TRAPPC9: variants seen among roughly 807,000 people sequenced by gnomAD.
TRAPPC9 encodes IKK2 binding protein.
Under a neutral mutation model 124.0 loss-of-function variants are expected in TRAPPC9, and 83 were observed. The ratio of observed to expected loss-of-function variants is 0.67; its 90% CI spans 0.56 to 0.80. TRAPPC9 has a LOEUF of 0.80. TRAPPC9 is among the 30% of genes least tolerant of loss of function. TRAPPC9 has a pLI of 0.00. For missense variants in TRAPPC9, 1,302 were observed against 1,508.3 expected (o/e 0.86, Z 2.27); for synonymous variants, 638 against 617.5 (o/e 1.03, Z -0.49).
rs1057412473 is a variant in TRAPPC9, at chr8:139,729,323, T to C, written c.*1738A>G. Among the ~76,000 whole-genome samples, 2 of 152,292 alleles carry C rather than the reference T, an allele frequency of 1.3e-5. No homozygotes were observed. Among genetic ancestry groups the C allele is most frequent in the Non-Finnish European group, 2.9e-5 (2 of 68,054 alleles). On this transcript the variant is annotated 3_prime_UTR_variant, in exon 23 of 23. Coordinates refer to ENST00000438773, the MANE Select transcript of TRAPPC9 (RefSeq NM_001160372.4). ...GTTGTTTCATTCAATGGCGTATTTT[T>C]GGGCTCTGTTGAGGTTGACACACAT...
chr8:139,893,562 A>G (rs1830480680), intron 20 of TRAPPC9, among the ~76,000 whole-genome samples: 1 of 152,250 alleles, frequency 6.6e-6, no homozygotes, highest in South Asian at 2.1e-4. Context: ...TCCTCGGACC[A>G]AAAGTAGCTC....
intron 19 of TRAPPC9, chr8:139,931,796 C>A (rs74578736): frequency 2.9e-5 from 5 of 173,728 alleles, no homozygotes; most frequent in Non-Finnish European, 6.1e-5. Context: ...AAGTGCCATG[C>A]GGTAGAAGAG....
At chr8:140,233,063 G>A (rs920860711) in intron 16 of TRAPPC9, among the ~76,000 whole-genome samples, 22 of 152,168 alleles carry the variant, frequency 1.4e-4, no homozygotes, top group Admixed American at 6.5e-4. Flanking sequence ...ACAGTCAGCC[G>A]AATCAAAGAA....
intron 17 of TRAPPC9, among the ~76,000 whole-genome samples, chr8:140,066,039 TA>T (rs2129703919): frequency 6.6e-6 from 1 of 152,294 alleles, no homozygotes; most frequent in Admixed American, 6.5e-5. Context: ...TAGATGCCAG[TA>T]AGAACATTCA....
At chr8:140,205,208 T>C (rs2062892643) in intron 17 of TRAPPC9, among the ~76,000 whole-genome samples, 1 of 152,218 alleles carries the variant, frequency 6.6e-6, no homozygotes, top group African/African-American at 2.4e-5. Flanking sequence ...AAATAAGATA[T>C]CACTGGTATT....
chr8:139,758,426 C>T (rs1439802605), intron 21 of TRAPPC9, among the ~76,000 whole-genome samples: 1 of 152,212 alleles, frequency 6.6e-6, no homozygotes, highest in African/African-American at 2.4e-5. Flanking sequence ...CTGTCAACAT[C>T]CTAGCTCTCA....
At chr8:140,351,605 CTAAAAA>C (rs1276628504) in intron 9 of TRAPPC9, among the ~76,000 whole-genome samples, 2 of 151,962 alleles carry the variant, frequency 1.3e-5, no homozygotes, top group Admixed American at 6.6e-5. Flanking sequence ...CTCATCTCTG[CTAAAAA>C]TAAAAATAAA....
chr8:140,143,242 C>A (rs1267640828), intron 17 of TRAPPC9, among the ~76,000 whole-genome samples: 11 of 152,282 alleles, frequency 7.2e-5, no homozygotes, highest in Non-Finnish European at 1.5e-5. Flanking sequence ...CACAGCTGGG[C>A]AGAAGTCTGG....
chr8:140,332,012 A>G (rs917647488), intron 9 of TRAPPC9, among the ~76,000 whole-genome samples: 2 of 152,206 alleles, frequency 1.3e-5, no homozygotes, highest in Non-Finnish European at 2.9e-5. Context: ...TCAAAGAGAT[A>G]CCTGCACTCC....
In TRAPPC9 at chr8:140,200,836, G is replaced by A. The variant is rs747156207; in HGVS notation, c.2556+20623C>T. Among the ~76,000 whole-genome samples the A allele has an allele frequency of 3.3e-5, 5 of 152,140 alleles. No homozygotes were observed. In the East Asian group the frequency reaches 5.8e-4, roughly 18 times the overall value. ...GTTTAACTCACAGTGACGCACCCAC[G>A]TTGGTTTCTTATTGTGTGGCAAATG... On this transcript the variant is annotated intron_variant, in intron 17 of 22. Transcript: ENST00000438773.
intron 20 of TRAPPC9, among the ~76,000 whole-genome samples, chr8:139,903,448 T>G (rs12548023): frequency 0.43 from 64,654 of 151,994 alleles, 14,209 homozygotes; most frequent in African/African-American, 0.55. Flanking sequence ...AGCTGGATTC[T>G]GATACCTCAG....
intron 17 of TRAPPC9, among the ~76,000 whole-genome samples, chr8:140,062,257 T>C (rs563157626): frequency 2.0e-5 from 3 of 152,228 alleles, no homozygotes; most frequent in Admixed American, 2.0e-4. Flanking sequence ...TGCCTGTCAT[T>C]CCCCTCCTCC....
intron 16 of TRAPPC9, among the ~76,000 whole-genome samples, chr8:140,222,762 C>G (rs1331968250): frequency 6.6e-6 from 1 of 152,236 alleles, no homozygotes; most frequent in Non-Finnish European, 1.5e-5. Context: ...AGCTCCCTAA[C>G]AGAACCCAGC....
intron 20 of TRAPPC9, among the ~76,000 whole-genome samples, chr8:139,900,655 C>T (rs1405939604): frequency 6.6e-6 from 1 of 152,182 alleles, no homozygotes; most frequent in East Asian, 1.9e-4. Flanking sequence ...GTGTTCACTT[C>T]CAAATCTTTG....
chr8:139,887,612 T>A (rs1774940307), intron 20 of TRAPPC9, among the ~76,000 whole-genome samples: 1 of 152,296 alleles, frequency 6.6e-6, no homozygotes, highest in Admixed American at 6.5e-5. Context: ...ACACTCTGCG[T>A]GTTCTGCCTG....
chr8:140,351,359 G>A (rs1360503869), intron 9 of TRAPPC9, among the ~76,000 whole-genome samples: 1 of 145,540 alleles, frequency 6.9e-6, no homozygotes, highest in Non-Finnish European at 1.5e-5. Flanking sequence ...AATTGCATCT[G>A]TGCTGAACGT....
intron 16 of TRAPPC9, among the ~76,000 whole-genome samples, chr8:140,230,323 G>C (rs2063560772): frequency 6.6e-6 from 1 of 152,148 alleles, no homozygotes; most frequent in East Asian, 1.9e-4. Context: ...AAAAAAAGAA[G>C]TAGGGCTGGG....
intron 19 of TRAPPC9, among the ~76,000 whole-genome samples, chr8:139,919,287 T>A (rs922684963): frequency 6.6e-6 from 1 of 152,212 alleles, no homozygotes; most frequent in African/African-American, 2.4e-5. Context: ...ACAACGTGGA[T>A]CTCCTATATT....
chr8:140,153,548 A>G (rs927895479), intron 17 of TRAPPC9, among the ~76,000 whole-genome samples: 1 of 152,092 alleles, frequency 6.6e-6, no homozygotes, highest in African/African-American at 2.4e-5. Context: ...CTTTCTCCAT[A>G]GACAATCAAT....
Sources: allele counts gnomAD v4.1 joint callset (sites outside exome capture counted in the v4.1 genomes callset), GRCh38; gene constraint gnomAD v4.1.1; transcripts MANE v1.5; gene names NCBI Gene and HGNC (gene_info 2026-07-23, HGNC 2026-07-21).